Variants in KIAA1549L observed in about 807,000 individuals in gnomAD.
KIAA1549L encodes the protein KIAA1549 like.
A neutral mutation model predicts 160.7 loss-of-function variants in KIAA1549L; 88 were observed. That is an observed-to-expected ratio of 0.55 (90% CI 0.46 to 0.65). The LOEUF (loss-of-function observed/expected upper bound fraction) is 0.65, where lower values mean the gene tolerates loss of function less well. Among genes scored for constraint, KIAA1549L ranks in the 30% least tolerant of loss-of-function variants. The pLI, the probability that KIAA1549L is intolerant of heterozygous loss-of-function variation, is 0.00. For missense variants in KIAA1549L, 2,258 were observed against 2,437.5 expected (o/e 0.93, Z 1.55); for synonymous variants, 950 against 976.7 (o/e 0.97, Z 0.51).
intron 1 of KIAA1549L, among the ~76,000 whole-genome samples, chr11:33,462,924 T>C (rs1851972031): frequency 6.6e-6 from 1 of 152,158 alleles, no homozygotes; most frequent in Admixed American, 6.5e-5. Flanking sequence ...AGCTTCAACT[T>C]AAGTGATTCC....
intron 1 of KIAA1549L, among the ~76,000 whole-genome samples, chr11:33,482,990 A>G (rs1172102427): frequency 6.6e-6 from 1 of 152,144 alleles, no homozygotes. Flanking sequence ...GACATAAGCC[A>G]CTATCCAGCT....
chr11:33,630,515 A>C (rs1270379008), intron 16 of KIAA1549L, among the ~76,000 whole-genome samples: 1 of 152,268 alleles, frequency 6.6e-6, no homozygotes, highest in East Asian at 1.9e-4. Context: ...GGAAAAGCGC[A>C]GTATTCGGGT....
intron 1 of KIAA1549L, among the ~76,000 whole-genome samples, chr11:33,397,214 G>T (rs1198004350): frequency 1.3e-4 from 19 of 145,546 alleles, no homozygotes; most frequent in Admixed American, 7.0e-4. Flanking sequence ...GGCGCCTGTA[G>T]TCCCAGCTAC....
intron 17 of KIAA1549L, among the ~76,000 whole-genome samples, chr11:33,649,314 C>A (rs1401120590): frequency 8.1e-6 from 1 of 123,022 alleles, no homozygotes. Flanking sequence ...AAGCCCTGAG[C>A]AATATAATGA....
chr11:33,419,122 C>T (rs1172723773), intron 1 of KIAA1549L, among the ~76,000 whole-genome samples: 2 of 152,160 alleles, frequency 1.3e-5, no homozygotes, highest in African/African-American at 4.8e-5. Flanking sequence ...ATTCACCTGC[C>T]TCAGCTTCCC....
intron 14 of KIAA1549L, among the ~76,000 whole-genome samples, chr11:33,607,439 C>T (rs1850536167): frequency 6.6e-6 from 1 of 152,064 alleles, no homozygotes; most frequent in African/African-American, 2.4e-5. Flanking sequence ...AGATAGATGC[C>T]AGAAGTTAGG....
At chr11:33,393,778 A>C (rs965784343) in intron 1 of KIAA1549L, among the ~76,000 whole-genome samples, 1 of 152,228 alleles carries the variant, frequency 6.6e-6, no homozygotes, top group Non-Finnish European at 1.5e-5. Context: ...AGGTGTGCAG[A>C]CAACCCCGAA....
chr11:33,599,407 C>T (rs987537829), intron 13 of KIAA1549L: 9 of 151,660 alleles, frequency 5.9e-5, no homozygotes, highest in Non-Finnish European at 1.2e-4. Context: ...TTCATGGGTT[C>T]AGTCTGTGCC....
At chr11:33,560,576 T>A (rs979790542) in intron 7 of KIAA1549L, among the ~76,000 whole-genome samples, 4 of 152,224 alleles carry the variant, frequency 2.6e-5, no homozygotes, top group Non-Finnish European at 5.9e-5. Context: ...TTATCCTCAT[T>A]ACCATGCAAC....
chr11:33,506,832 A>G (rs1565162714), intron 1 of KIAA1549L, among the ~76,000 whole-genome samples: 1 of 152,182 alleles, frequency 6.6e-6, no homozygotes, highest in Non-Finnish European at 1.5e-5. Flanking sequence ...TTTGGGTTCT[A>G]CTTTTATAAA....
At chr11:33,581,335 G>T (rs1051391546) in intron 10 of KIAA1549L, among the ~76,000 whole-genome samples, 1 of 152,134 alleles carries the variant, frequency 6.6e-6, no homozygotes, top group African/African-American at 2.4e-5. Flanking sequence ...TTTGCTGTAC[G>T]TGAGAATAAT....
chr11:33,522,094 G>T (rs1369268065), intron 1 of KIAA1549L, among the ~76,000 whole-genome samples: 1 of 152,006 alleles, frequency 6.6e-6, no homozygotes, highest in East Asian at 1.9e-4. Context: ...AACACTAAAG[G>T]CAAGTAAACT....
intron 1 of KIAA1549L, among the ~76,000 whole-genome samples, chr11:33,497,485 A>G (rs1441175796): frequency 6.6e-6 from 1 of 152,206 alleles, no homozygotes; most frequent in Non-Finnish European, 1.5e-5. Context: ...ATGTCACCCT[A>G]GCCCCCAAAA....
At chr11:33,627,004 A>G (rs1267435003) in intron 16 of KIAA1549L, among the ~76,000 whole-genome samples, 1 of 89,624 alleles carries the variant, frequency 1.1e-5, no homozygotes, top group African/African-American at 4.9e-5. Flanking sequence ...TTCTGCATCT[A>G]TTGAGATAAT....
Position 33,551,214 on chromosome 11 carries a change from T to A in KIAA1549L, c.3676T>A (p.Ser1226Thr). 6.2e-7 allele frequency: 1 copy of A among 1,613,738 alleles called. No individual in the cohort carries two copies. Among genetic ancestry groups the A allele is most frequent in the South Asian group, 1.1e-5 (1 of 91,056 alleles). ...CTTACAGTCTGTGGCAGTACTTGCC[T>A]CCCCATGGAATCCCCAGCCTGCAGG... The part of the protein sequence containing the change: ...PHLQSVAVLA[S>T]PWNPQPAGYF... Residue 1226 changes from serine to threonine, a missense_variant, in exon 5 of 21, where the codon TCC (serine) becomes ACC (threonine). Physicochemically the swap from Ser to Thr is moderately conservative, Grantham distance 58. Transcript: ENST00000658780.
chr11:33,395,993 T>G (rs1038684417), intron 1 of KIAA1549L, among the ~76,000 whole-genome samples: 1 of 152,108 alleles, frequency 6.6e-6, no homozygotes, highest in Non-Finnish European at 1.5e-5. Flanking sequence ...GGGGGCAGGT[T>G]TGAGGTTAAC....
rs181898419 is a variant in KIAA1549L at position 33,659,853 on chromosome 11, G to A, written c.6007+955G>A. On this transcript the variant is annotated intron_variant, in intron 19 of 20. Coordinates refer to ENST00000658780, the MANE Select transcript of KIAA1549L (RefSeq NM_012194.3). The stretch of plus-strand genomic sequence containing the variant: ...AGAAAGCCAGGTCTGAGTCCCAGCA[G>A]ATGATGCCCTTTCATTCTGACTGCG... Among the ~76,000 whole-genome samples the A allele has an allele frequency of 2.9e-3, 444 of 152,344 alleles. 7 individuals carry two copies. The highest frequency in any genetic ancestry group is 1.2e-3 in the Non-Finnish European group (80 of 68,026).
chr11:33,606,863 G>C (rs1850520296), intron 14 of KIAA1549L, 41 bp downstream of exon 14: 4 of 1,527,416 alleles, frequency 2.6e-6, no homozygotes, highest in Admixed American at 2.1e-5. Flanking sequence ...GGTCCGGCCA[G>C]ACTTGGGAAA....
intron 3 of KIAA1549L, among the ~76,000 whole-genome samples, chr11:33,547,482 G>A (rs1038742230): frequency 6.6e-6 from 1 of 152,158 alleles, no homozygotes; most frequent in Non-Finnish European, 1.5e-5. Flanking sequence ...GCACTGTCGA[G>A]CCGGCTTTCA....
Sources: gnomAD v4.1 joint callset for allele counts (sites outside exome capture counted in the v4.1 genomes callset) on GRCh38, gnomAD v4.1.1 for gene constraint, MANE v1.5 for transcripts, NCBI Gene and HGNC (gene_info 2026-07-23, HGNC 2026-07-21) for gene names.